The following CHD5 variants were observed in gnomAD, a reference collection of about 807,000 sequenced individuals.
CHD5 encodes the protein ATP-dependent chromatin remodeler CHD5.
CHD5 carries 69 observed loss-of-function variants against 230.3 expected under a neutral mutation model. The ratio of observed to expected loss-of-function variants is 0.30; its 90% CI spans 0.25 to 0.37. The LOEUF (loss-of-function observed/expected upper bound fraction) is 0.37, where lower values mean the gene tolerates loss of function less well. Ranked by LOEUF, CHD5 falls within the 10% of genes least tolerant of loss-of-function variation. CHD5 has a pLI of 1.00. For synonymous variants in CHD5, 1,064 were observed against 1,065.9 expected, an observed-to-expected ratio of 1.00 and a Z score of 0.03; for missense variants, 1,827 against 2,622.8, an observed-to-expected ratio of 0.70 and a Z score of 6.63.
chr1:6,160,327 GGCCCCAGCAAGGGAAGA>G lies in CHD5; in HGVS notation c.208-829_208-813del, dbSNP rs1366603329. 4.0e-5 allele frequency among the ~76,000 whole-genome samples: 3 copies of G among 75,184 alleles called. 1 individual carries two copies. The allele number at this position is 75,184 out of a possible 152,430, so 49.3% of individuals were successfully genotyped here. On this transcript the variant is annotated intron_variant, in intron 2 of 41. Transcript: ENST00000262450. ...CAGGGAAGGGCCCCAGCCAGGGAAG[GGCCCCAGCAAGGGAAGA>G]GCCCCAGCCAGGGAAGGGCCCCAGC...
chr1:6,175,837 G>A (rs891957897), intron 1 of CHD5, among the ~76,000 whole-genome samples: 1 of 151,612 alleles, frequency 6.6e-6, no homozygotes, highest in African/African-American at 2.4e-5. Flanking sequence ...ATGCATGGAT[G>A]GATGGATGGA....
At chr1:6,117,199 A>T (rs1482450532) in intron 33 of CHD5, among the ~76,000 whole-genome samples, 1 of 152,200 alleles carries the variant, frequency 6.6e-6, no homozygotes, top group Non-Finnish European at 1.5e-5. Context: ...AAATAAGATA[A>T]CAGAATTCCA....
intron 2 of CHD5, among the ~76,000 whole-genome samples, chr1:6,161,389 A>C (rs1200980186): frequency 1.3e-5 from 2 of 152,158 alleles, no homozygotes; most frequent in Non-Finnish European, 2.9e-5. Flanking sequence ...CCCTTCCAAC[A>C]GGCTGCCTGC....
At chr1:6,164,019 A>C (rs1478469875) in intron 2 of CHD5, among the ~76,000 whole-genome samples, 5 of 152,226 alleles carry the variant, frequency 3.3e-5, no homozygotes, top group Non-Finnish European at 7.3e-5. Context: ...AGGCAGGGGC[A>C]GGCAGGAGGG....
chr1:6,126,077 T>C lies in CHD5; in HGVS notation c.4079-219A>G, dbSNP rs1325065304. On this transcript the variant is annotated intron_variant, in intron 26 of 41. Coordinates refer to ENST00000262450, the MANE Select transcript of CHD5 (RefSeq NM_015557.3). The surrounding 1 kb of genome is among the most constrained non-coding windows in gnomAD (Gnocchi z 5.7). ...GTGTACCCACACATTACACATACTG[T>C]GTGCAAGGGACGTGCCCAAGGCCAC... 2.0e-5 allele frequency among the ~76,000 whole-genome samples: 3 copies of C among 152,186 alleles called. No homozygotes were observed. The highest frequency in any genetic ancestry group is 7.2e-5 in the African/African-American group (3 of 41,426).
chr1:6,116,546 A>G (rs1362454307), intron 33 of CHD5, among the ~76,000 whole-genome samples: 1 of 152,238 alleles, frequency 6.6e-6, no homozygotes, highest in East Asian at 1.9e-4. Context: ...CAGTCTTTCA[A>G]TGTGAGAAAA....
At chr1:6,161,083 A>G (rs921908030) in intron 2 of CHD5, among the ~76,000 whole-genome samples, 16 of 152,150 alleles carry the variant, frequency 1.1e-4, no homozygotes, top group African/African-American at 3.6e-4. Flanking sequence ...AAATGAGCTC[A>G]GGAAACAGCA....
At position 6,155,820 on chromosome 1, in the gene CHD5, G is replaced by A. The variant is rs958631641; in HGVS notation, c.388-103C>T. The A allele has an allele frequency of 1.4e-5, 12 of 831,274 alleles. No individual in the cohort carries two copies. Among genetic ancestry groups the A allele is most frequent in the Middle Eastern group, 2.3e-4 (1 of 4,270 alleles). The allele number at this position is 831,274 out of a possible 1,614,324, so 51.5% of individuals were successfully genotyped here. On this transcript the variant is annotated intron_variant, in intron 3 of 41. Coordinates refer to ENST00000262450, the MANE Select transcript of CHD5 (RefSeq NM_015557.3). This position sits in a 1 kb window ranked among gnomAD's most constrained non-coding sequence, Gnocchi z 4.0. ...GGAGGCTTTGGCACAGGGGAAAGAGGAGGGGTTGTGTCTGCAATGTAACCA... is the reference window on the plus strand; with the variant it reads ...GGAGGCTTTGGCACAGGGGAAAGAGAAGGGGTTGTGTCTGCAATGTAACCA...
Position 6,128,211 on chromosome 1 carries a change from G to A in CHD5, c.3738C>T (p.Asn1246=). 6.2e-7 allele frequency: 1 copy of A among 1,613,966 alleles called. No homozygotes were observed. Among genetic ancestry groups the A allele is most frequent in the Non-Finnish European group, 8.5e-7 (1 of 1,179,948 alleles). The change falls in exon 25 of 42, where the codon AAC becomes AAT. Residue 1246 remains asparagine, a synonymous_variant. Transcript: ENST00000262450. This position sits in a 1 kb window ranked among gnomAD's most constrained non-coding sequence, Gnocchi z 7.8. ...KKHGSTPPGD[N]KDVEDSSVIH... is the part of the protein sequence containing the mutation. ...TCACACTGCTGTCCTCCACGTCCTT[G>A]TTGTCACCTGGGGAGCAGGCAAATG...
intron 31 of CHD5, among the ~76,000 whole-genome samples, chr1:6,122,836 G>A (rs1483119633): frequency 2.6e-5 from 4 of 152,158 alleles, no homozygotes; most frequent in African/African-American, 4.8e-5. Flanking sequence ...TTGGGAGGCC[G>A]AGGAGGGTGG....
At chr1:6,123,843 A>C in intron 31 of CHD5, 105 bp downstream of exon 31, 28 of 730,162 alleles carry the variant, frequency 3.8e-5, no homozygotes, top group Non-Finnish European at 4.9e-5. Context: ...CTTTGGGGGA[A>C]GGAGAGGCCG....
In CHD5 at chr1:6,155,847, A is replaced by G; in HGVS notation, c.388-130T>C. 1.2e-5 allele frequency: 8 copies of G among 657,842 alleles called. No individual in the cohort carries two copies. Among genetic ancestry groups the G allele is most frequent in the Middle Eastern group, 3.1e-4 (1 of 3,254 alleles). 40.8% of individuals were successfully genotyped at this position (657,842 alleles called of 1,614,324 possible). ...GGGGTTGTGTCTGCAATGTAACCAG[A>G]CCATTCTCACCCACCCTAGGAAACA... On this transcript the variant is annotated intron_variant, in intron 3 of 41. Coordinates refer to ENST00000262450, the MANE Select transcript of CHD5 (RefSeq NM_015557.3). This position sits in a 1 kb window ranked among gnomAD's most constrained non-coding sequence, Gnocchi z 4.0.
At chr1:6,118,750 T>C (rs898876792) in intron 33 of CHD5, among the ~76,000 whole-genome samples, 15 of 152,060 alleles carry the variant, frequency 9.9e-5, no homozygotes, top group African/African-American at 3.6e-4. Context: ...CAGGCTGGAG[T>C]GCAGTGGTGC....
Position 6,135,210 on chromosome 1 carries a change from G to A in CHD5, c.2870+20C>T, listed in dbSNP as rs374720971. 2.7e-5 allele frequency: 44 copies of A among 1,613,410 alleles called. No individual in the cohort carries two copies. Among genetic ancestry groups the A allele is most frequent in the Admixed American group, 5.0e-5 (3 of 60,032 alleles). ...GGAAAGGGCGAGCACAGGCTGCTCC[G>A]GGGTCAGCCCATCACTCACTTCTGC... On this transcript the variant is annotated intron_variant, in intron 18 of 41. Coordinates refer to ENST00000262450, the MANE Select transcript of CHD5 (RefSeq NM_015557.3).
chr1:6,164,184 C>T (rs1025048826), intron 2 of CHD5, among the ~76,000 whole-genome samples: 1 of 152,200 alleles, frequency 6.6e-6, no homozygotes, highest in African/African-American at 2.4e-5. Context: ...CCTCTAGGCC[C>T]GATGCTCCGC....
In CHD5 at chr1:6,158,804, G is replaced by A. The variant is rs560009394; in HGVS notation, c.387+532C>T. 1.3e-3 allele frequency among the ~76,000 whole-genome samples: 197 copies of A among 151,748 alleles called. 2 individuals carry two copies. Among genetic ancestry groups the A allele is most frequent in the African/African-American group, 4.5e-3 (186 of 41,346 alleles). On this transcript the variant is annotated intron_variant, in intron 3 of 41. Coordinates refer to ENST00000262450, the MANE Select transcript of CHD5 (RefSeq NM_015557.3). Reference sequence around the variant, plus strand: ...GGGCGGATCACGAGGTCAGGAGATCGAGACCATCCCGGCTAAAACGGTGAA... The same window carrying A: ...GGGCGGATCACGAGGTCAGGAGATCAAGACCATCCCGGCTAAAACGGTGAA...
chr1:6,143,908 G>C lies in CHD5; in HGVS notation c.1958C>G (p.Thr653Ser). ...CTTGAGCAGCCTCTTGGGCAGCCTG[G>C]TGTCTTCTCCCAGCATCAGCTCCCT... is the stretch of plus-strand genomic sequence containing the variant. ...GHRELMLGED[T>S]RLPKRLLKKG... The change falls in exon 13 of 42, where the codon ACC becomes AGC. Residue 653 changes from threonine (T) to serine (S), a missense_variant. This residue lies in a region of CHD5 where 657 missense variants were observed against 816.4 expected (regional missense o/e 0.80). Transcript: ENST00000262450. The C allele has an allele frequency of 1.2e-6, 2 of 1,614,040 alleles. No homozygotes were observed. The highest frequency in any genetic ancestry group is 1.7e-6 in the Non-Finnish European group (2 of 1,180,024).
Position 6,146,640 on chromosome 1 carries a change from C to T in CHD5, c.1590+25G>A. 1 of 1,611,920 alleles carries T rather than the reference C, an allele frequency of 6.2e-7. No individual in the cohort carries two copies. Among genetic ancestry groups the T allele is most frequent in the Non-Finnish European group, 8.5e-7 (1 of 1,178,354 alleles). ...GGGCTCACCAGGTCCCGGGCCTTAG[C>T]ACAGCCACCCTCCCGGGCACTCACC... On this transcript the variant is annotated intron_variant, in intron 10 of 41. Coordinates refer to ENST00000262450, the MANE Select transcript of CHD5 (RefSeq NM_015557.3). This position sits in a 1 kb window ranked among gnomAD's most constrained non-coding sequence, Gnocchi z 5.1.
intron 20 of CHD5, among the ~76,000 whole-genome samples, chr1:6,132,912 A>ATCTCTCTCTCTCTCTCTC (rs1277137589): frequency 8.7e-6 from 1 of 114,370 alleles, no homozygotes; most frequent in African/African-American, 3.1e-5. Context: ...CTCTCTCTCA[A>ATCTCTCTCTCTCTCTCTC]GAGACAGGGT....
Sources: gnomAD v4.1 joint callset for allele counts (sites outside exome capture counted in the v4.1 genomes callset) on GRCh38, gnomAD v4.1.1 for gene constraint, gnomAD v4.1.1 regional missense constraint, Gnocchi (gnomAD v3.1) non-coding constraint, MANE v1.5 for transcripts, NCBI Gene and HGNC (gene_info 2026-07-23, HGNC 2026-07-21) for gene names.